Variants in GSE1 observed in about 807,000 individuals in gnomAD.
The protein encoded by GSE1 is genetic suppressor element 1.
A neutral mutation model predicts 112.6 loss-of-function variants in GSE1; 32 were observed. The ratio of observed to expected loss-of-function variants is 0.28; its 90% CI spans 0.21 to 0.38. The LOEUF (loss-of-function observed/expected upper bound fraction) is 0.38, where lower values mean the gene tolerates loss of function less well. GSE1 is among the 10% of genes least tolerant of loss of function. GSE1 has a pLI of 1.00. For missense variants in GSE1, 2,348 were observed against 1,699.2 expected, an observed-to-expected ratio of 1.38 and a Z score of -6.71; for synonymous variants, 1,115 against 735.6, an observed-to-expected ratio of 1.52 and a Z score of -8.35.
chr16:85,504,338 G>A (rs1170742180), intron 2 of GSE1, among the ~76,000 whole-genome samples: 1 of 152,224 alleles, frequency 6.6e-6, no homozygotes, highest in Non-Finnish European at 1.5e-5. Context: ...TTTCCCCTTA[G>A]AGGCAGAATT....
intron 1 of GSE1, among the ~76,000 whole-genome samples, chr16:85,351,560 G>A (rs543917706): frequency 1.7e-4 from 26 of 151,950 alleles, no homozygotes; most frequent in Non-Finnish European, 3.2e-4. Flanking sequence ...GGTTTCTTTT[G>A]GGGGTGATGA....
intron 2 of GSE1, among the ~76,000 whole-genome samples, chr16:85,436,848 TG>T (rs2049258329): frequency 6.6e-6 from 1 of 152,180 alleles, no homozygotes; most frequent in Non-Finnish European, 1.5e-5. Flanking sequence ...GAGTGTGGGC[TG>T]GGCTCGGTTC....
intron 2 of GSE1, among the ~76,000 whole-genome samples, chr16:85,384,482 C>T (rs750345898): frequency 5.3e-5 from 8 of 152,200 alleles, no homozygotes; most frequent in Non-Finnish European, 7.4e-5. Flanking sequence ...CCAGACCTTG[C>T]CAGATGTGTC....
chr16:85,291,459 G>T (rs1414618673), intron 1 of GSE1, among the ~76,000 whole-genome samples: 1 of 152,122 alleles, frequency 6.6e-6, no homozygotes, highest in East Asian at 1.9e-4. Flanking sequence ...AGGGGACGCC[G>T]CCCTCCCCAG....
At chr16:85,282,315 C>T (rs1466650593) in intron 1 of GSE1, among the ~76,000 whole-genome samples, 3 of 152,206 alleles carry the variant, frequency 2.0e-5, no homozygotes, top group South Asian at 4.1e-4. Context: ...CGTGAGCCAC[C>T]GCGCCCGGCT....
rs142266542 is a variant in GSE1, at chr16:85,563,402, T to TC, written c.37+7042dup. Among the ~76,000 whole-genome samples the TC allele has an allele frequency of 3.0e-3, 453 of 152,334 alleles. 2 individuals are homozygous for TC. Among genetic ancestry groups the TC allele is most frequent in the African/African-American group, 0.01 (431 of 41,584 alleles). ...GGGAAAATGTATTTTTCCGGCTTTT[T>TC]CCCACACATGCCAGGCCCTCCGCAG... On this transcript the variant is annotated intron_variant, in intron 1 of 2. Coordinates refer to the GSE1 transcript ENST00000635906.
intron 1 of GSE1, among the ~76,000 whole-genome samples, chr16:85,632,257 G>T (rs1392949933): frequency 6.6e-6 from 1 of 152,228 alleles, no homozygotes; most frequent in Admixed American, 6.5e-5. Context: ...CATGGGCATG[G>T]GGCTCTCAGG....
At chr16:85,630,913 G>C (rs949684011) in intron 1 of GSE1, among the ~76,000 whole-genome samples, 1 of 152,170 alleles carries the variant, frequency 6.6e-6, no homozygotes, top group Non-Finnish European at 1.5e-5. Flanking sequence ...GTGGGTGACA[G>C]TTCAGCTGCT....
chr16:85,233,226 G>C (rs998793905), intron 1 of GSE1, among the ~76,000 whole-genome samples: 1 of 152,270 alleles, frequency 6.6e-6, no homozygotes, highest in African/African-American at 2.4e-5. Context: ...ACCCAGCCTC[G>C]TTTGTCAGCC....
upstream of GSE1, among the ~76,000 whole-genome samples, chr16:85,609,587 C>G (rs1377846843): frequency 6.6e-6 from 1 of 152,148 alleles, no homozygotes; most frequent in East Asian, 1.9e-4. Flanking sequence ...TCCAGACACC[C>G]CTCTTAGTTC....
At chr16:85,304,509 A>C (rs1241552677) in intron 1 of GSE1, among the ~76,000 whole-genome samples, 1 of 150,128 alleles carries the variant, frequency 6.7e-6, no homozygotes, top group Admixed American at 6.7e-5. Flanking sequence ...CTCCCATGCC[A>C]GGAGAAGCAC....
chr16:85,513,698 C>A lies in GSE1; in HGVS notation c.2465-120216C>A, dbSNP rs28453921. The stretch of plus-strand genomic sequence containing the variant: ...CCTGAATCTCCACAGCTCTCCTGGG[C>A]CCTGTACCTCCTGCCTGGTGCAAGG... On this transcript the variant is annotated intron_variant, in intron 2 of 2. Transcript: ENST00000637419. Among the ~76,000 whole-genome samples, 450 of 152,252 alleles carry A rather than the reference C, an allele frequency of 3.0e-3. 3 individuals carry two copies. Among genetic ancestry groups the A allele is most frequent in the African/African-American group, 0.01 (435 of 41,560 alleles).
intron 2 of GSE1, among the ~76,000 whole-genome samples, chr16:85,429,599 T>C (rs563323037): frequency 1.3e-4 from 20 of 152,334 alleles, no homozygotes; most frequent in African/African-American, 4.8e-4. Context: ...ATCTGTTCCA[T>C]GGCCCCCAGC....
At chr16:85,507,034 T>C (rs1597993894) in intron 2 of GSE1, among the ~76,000 whole-genome samples, 1 of 152,178 alleles carries the variant, frequency 6.6e-6, no homozygotes, top group African/African-American at 2.4e-5. Context: ...GCCTCCCTCC[T>C]GGGGTAACCG....
At chr16:85,520,322 G>T (rs528319251) in intron 2 of GSE1, among the ~76,000 whole-genome samples, 4 of 152,004 alleles carry the variant, frequency 2.6e-5, no homozygotes, top group Non-Finnish European at 5.9e-5. Flanking sequence ...TGGGGGTGAG[G>T]ATTTCAACAC....
In GSE1 at chr16:85,333,443, C is replaced by T. The variant is rs142210165; in HGVS notation, c.2284-24020C>T. On this transcript the variant is annotated intron_variant, in intron 1 of 2. Transcript: ENST00000637419. Reference sequence around the variant, plus strand: ...CCCGGCCTCCTCCTTGTCTCTCCTGCCGGCTCCTCTGAGTGCGGCTGCAGC... The same window carrying T: ...CCCGGCCTCCTCCTTGTCTCTCCTGTCGGCTCCTCTGAGTGCGGCTGCAGC... Among the ~76,000 whole-genome samples, 233 of 152,324 alleles carry T rather than the reference C, an allele frequency of 1.5e-3. 1 individual carries two copies. Among genetic ancestry groups the T allele is most frequent in the Middle Eastern group, 3.4e-3 (1 of 294 alleles).
chr16:85,347,103 G>C (rs1297873180), intron 1 of GSE1, among the ~76,000 whole-genome samples: 1 of 152,150 alleles, frequency 6.6e-6, no homozygotes, highest in Non-Finnish European at 1.5e-5. Flanking sequence ...GCTCGGTGGT[G>C]TTGAGAGCTG....
chr16:85,606,086 G>T (rs2047691464), intron 1 of GSE1, among the ~76,000 whole-genome samples: 1 of 152,220 alleles, frequency 6.6e-6, no homozygotes, highest in African/African-American at 2.4e-5. Context: ...CAGAAGTTTC[G>T]GCTCCTGCCC....
At chr16:85,207,007 C>A (rs1567610310) in intron 1 of GSE1, among the ~76,000 whole-genome samples, 1 of 152,190 alleles carries the variant, frequency 6.6e-6, no homozygotes, top group Non-Finnish European at 1.5e-5. Flanking sequence ...GCTGGCCTCG[C>A]AGTGACATGT....
Sources: gnomAD v4.1 joint callset for allele counts (sites outside exome capture counted in the v4.1 genomes callset) on GRCh38, gnomAD v4.1.1 for gene constraint, MANE v1.5 for transcripts, NCBI Gene and HGNC (gene_info 2026-07-23, HGNC 2026-07-21) for gene names.